The following TSPAN18 variants were observed in gnomAD, a reference collection of about 807,000 sequenced individuals.
TSPAN18 encodes the protein tetraspanin 18.
TSPAN18 carries 14 observed loss-of-function variants against 27.3 expected under a neutral mutation model. The observed-to-expected ratio is 0.51, with a 90% CI of 0.34 to 0.80. TSPAN18 has a LOEUF of 0.80. Among genes scored for constraint, TSPAN18 ranks in the 30% least tolerant of loss-of-function variants. TSPAN18 has a pLI of 0.01. For synonymous variants in TSPAN18, 143 were observed against 136.5 expected, an observed-to-expected ratio of 1.05 and a Z score of -0.33; for missense variants, 268 against 323.9, an observed-to-expected ratio of 0.83 and a Z score of 1.32.
intron 1 of TSPAN18, among the ~76,000 whole-genome samples, chr11:44,738,343 G>T (rs888962102): frequency 1.3e-4 from 20 of 152,294 alleles, no homozygotes; most frequent in Admixed American, 1.0e-3. Flanking sequence ...CAGTGGGAAC[G>T]CTGGAGCCCA....
chr11:44,787,705 C>T (rs995112685), intron 2 of TSPAN18, among the ~76,000 whole-genome samples: 10 of 152,238 alleles, frequency 6.6e-5, no homozygotes, highest in East Asian at 1.9e-4. Context: ...GAATAGATAT[C>T]GGCAGATGTG....
intron 1 of TSPAN18, among the ~76,000 whole-genome samples, chr11:44,732,831 A>G (rs1854696228): frequency 1.3e-5 from 2 of 152,226 alleles, no homozygotes; most frequent in Admixed American, 1.3e-4. Context: ...TCAGAATAAC[A>G]GCAACCACAG....
At chr11:44,797,933 A>G (rs892062696) in intron 2 of TSPAN18, among the ~76,000 whole-genome samples, 3 of 152,196 alleles carry the variant, frequency 2.0e-5, no homozygotes, top group Non-Finnish European at 4.4e-5. Flanking sequence ...TAGAGAGTCA[A>G]GACGCTTGTT....
chr11:44,900,022 G>C (rs1859199645), intron 3 of TSPAN18, among the ~76,000 whole-genome samples: 1 of 152,184 alleles, frequency 6.6e-6, no homozygotes, highest in African/African-American at 2.4e-5. Context: ...CCACCCTCCA[G>C]AGATTCTCCA....
chr11:44,797,140 T>C (rs934419008), intron 2 of TSPAN18, among the ~76,000 whole-genome samples: 9 of 152,168 alleles, frequency 5.9e-5, no homozygotes, highest in African/African-American at 2.2e-4. Context: ...TAACAACCCC[T>C]CATGTCTGTT....
At chr11:44,845,688 G>A (rs2135175841) in intron 2 of TSPAN18, among the ~76,000 whole-genome samples, 1 of 152,326 alleles carries the variant, frequency 6.6e-6, no homozygotes, top group Admixed American at 6.5e-5. Context: ...CCTGAAGCTG[G>A]GACTTATCCA....
At chr11:44,926,407 T>A (rs7119193) in intron 8 of TSPAN18, 94,717 of 427,930 alleles carry the variant, frequency 0.22, 13,451 homozygotes, top group African/African-American at 0.48. Context: ...TCACTGTAGT[T>A]GCAACATTAG....
At chr11:44,913,803 G>T (rs956761961) in intron 5 of TSPAN18, among the ~76,000 whole-genome samples, 5 of 152,258 alleles carry the variant, frequency 3.3e-5, no homozygotes, top group Admixed American at 2.0e-4. Flanking sequence ...AGGAATGGCT[G>T]ACAAAGGTGT....
intron 3 of TSPAN18, among the ~76,000 whole-genome samples, chr11:44,883,936 G>GT (rs1425938400): frequency 0.023 from 3,464 of 152,310 alleles, 119 homozygotes; most frequent in East Asian, 0.1. Context: ...AAAATTAAAT[G>GT]AGTTAACAGA....
chr11:44,780,531 C>G (rs1855914132), intron 2 of TSPAN18, among the ~76,000 whole-genome samples: 1 of 152,254 alleles, frequency 6.6e-6, no homozygotes, highest in Admixed American at 6.5e-5. Flanking sequence ...AAAAATATGG[C>G]CTTTGCCCTG....
rs955831218 is a variant in TSPAN18, at chr11:44,918,115, G to C, written c.333+69G>C. ...AGGGGTTGGTGGCCATTCAGGTCTGGCTCCTCCCCTCCTTGAAGGGTCTCA... is the reference window on the plus strand; with the variant it reads ...AGGGGTTGGTGGCCATTCAGGTCTGCCTCCTCCCCTCCTTGAAGGGTCTCA... On this transcript the variant is annotated intron_variant, in intron 6 of 9. Transcript: ENST00000520358. 21 of 1,500,652 alleles carry C rather than the reference G, an allele frequency of 1.4e-5. No homozygotes were observed. The African/African-American group carries it at 2.5e-4, about 18-fold the overall frequency. The allele number at this position is 1,500,652 out of a possible 1,614,324, so 93.0% of individuals were successfully genotyped here. A position where few individuals can be genotyped will look rare whatever the true frequency, so the allele number is the denominator to read the frequency against.
intron 3 of TSPAN18, among the ~76,000 whole-genome samples, chr11:44,870,913 T>G (rs1293248251): frequency 6.6e-6 from 1 of 152,170 alleles, no homozygotes; most frequent in Non-Finnish European, 1.5e-5. Context: ...TTTTGCTGAC[T>G]AGACTCACAC....
chr11:44,875,031 G>A (rs1049330995), intron 3 of TSPAN18, among the ~76,000 whole-genome samples: 2 of 152,212 alleles, frequency 1.3e-5, no homozygotes, highest in African/African-American at 2.4e-5. Flanking sequence ...CTGCTCCCCC[G>A]TAGTTACATC....
At chr11:44,908,770 A>AAAGAAAG (rs3051416) in intron 4 of TSPAN18, among the ~76,000 whole-genome samples, 1,897 of 19,468 alleles carry the variant, frequency 0.097, 169 homozygotes, top group African/African-American at 0.22. Context: ...GAGAGAAAGG[A>AAAGAAAG]GAAAGAAAGA....
At chr11:44,842,567 G>A (rs1857395081) in intron 2 of TSPAN18, among the ~76,000 whole-genome samples, 1 of 152,130 alleles carries the variant, frequency 6.6e-6, no homozygotes, top group Middle Eastern at 3.2e-3. Flanking sequence ...GGGATAATAA[G>A]CGAGAGAGGG....
chr11:44,868,174 C>T (rs1858091502), intron 3 of TSPAN18, among the ~76,000 whole-genome samples: 2 of 152,162 alleles, frequency 1.3e-5, no homozygotes, highest in African/African-American at 4.8e-5. Flanking sequence ...ATCCTTCCCT[C>T]AGGGGACGCA....
intron 5 of TSPAN18, among the ~76,000 whole-genome samples, chr11:44,917,256 G>A (rs1286525039): frequency 6.6e-6 from 1 of 151,888 alleles, no homozygotes. Context: ...CTGGAGAAAT[G>A]AGGAACTGGT....
At chr11:44,893,439 C>T (rs916082439) in intron 3 of TSPAN18, among the ~76,000 whole-genome samples, 2 of 152,216 alleles carry the variant, frequency 1.3e-5, no homozygotes, top group African/African-American at 4.8e-5. Flanking sequence ...CCAGGCACGC[C>T]AGGATCTCAG....
intron 1 of TSPAN18, among the ~76,000 whole-genome samples, chr11:44,732,049 G>T (rs1854673634): frequency 6.6e-6 from 1 of 152,222 alleles, no homozygotes; most frequent in Non-Finnish European, 1.5e-5. Flanking sequence ...TTTATGTCTG[G>T]CTGGCCCTGA....
Sources: gnomAD v4.1 joint callset for allele counts (sites outside exome capture counted in the v4.1 genomes callset) on GRCh38, gnomAD v4.1.1 for gene constraint, MANE v1.5 for transcripts, NCBI Gene and HGNC (gene_info 2026-07-23, HGNC 2026-07-21) for gene names.